Variants in CDH13 observed in about 807,000 individuals in gnomAD.
CDH13 encodes cadherin-13.
A neutral mutation model predicts 63.8 loss-of-function variants in CDH13; 24 were observed. The ratio of observed to expected loss-of-function variants is 0.38; its 90% CI spans 0.27 to 0.53. CDH13 has a LOEUF of 0.53. Ranked by LOEUF, CDH13 falls within the 20% of genes least tolerant of loss-of-function variation. CDH13 has a pLI of 0.85. For synonymous variants in CDH13, 503 were observed against 355.3 expected, an observed-to-expected ratio of 1.42 and a Z score of -4.67; for missense variants, 1,049 against 903.1, an observed-to-expected ratio of 1.16 and a Z score of -2.07.
chr16:83,361,016 G>A (rs557566282), intron 6 of CDH13, among the ~76,000 whole-genome samples: 3 of 152,228 alleles, frequency 2.0e-5, no homozygotes, highest in African/African-American at 7.2e-5. Context: ...TTGCCAAACT[G>A]CTTTCCACAG....
At chr16:83,250,618 A>G (rs1319419678) in intron 5 of CDH13, among the ~76,000 whole-genome samples, 1 of 152,174 alleles carries the variant, frequency 6.6e-6, no homozygotes, top group Non-Finnish European at 1.5e-5. Flanking sequence ...GCAACCTTGG[A>G]GTAATCAAGA....
intron 4 of CDH13, among the ~76,000 whole-genome samples, chr16:83,194,426 A>C (rs1212904124): frequency 1.3e-5 from 2 of 152,240 alleles, no homozygotes; most frequent in Non-Finnish European, 2.9e-5. Context: ...TGCCTCCATT[A>C]GAGAAAAAGG....
intron 1 of CDH13, among the ~76,000 whole-genome samples, chr16:82,821,038 A>T (rs1430738883): frequency 2.0e-5 from 3 of 152,138 alleles, no homozygotes; most frequent in Non-Finnish European, 2.9e-5. Context: ...AATGATCATT[A>T]TTGGAAAGCT....
At chr16:83,690,935 T>C (rs112276458) in intron 10 of CDH13, among the ~76,000 whole-genome samples, 13,044 of 152,094 alleles carry the variant, frequency 0.086, 1,022 homozygotes, top group African/African-American at 0.21. Flanking sequence ...TTGTCCAGGC[T>C]GGTCTGGAAC....
At chr16:83,685,910 G>A (rs540968559) in intron 10 of CDH13, among the ~76,000 whole-genome samples, 4 of 152,122 alleles carry the variant, frequency 2.6e-5, no homozygotes, top group African/African-American at 9.7e-5. Flanking sequence ...TGCAGACATG[G>A]GTTTTGAGAA....
At chr16:82,704,403 G>C (rs2031308056) in intron 1 of CDH13, among the ~76,000 whole-genome samples, 1 of 152,208 alleles carries the variant, frequency 6.6e-6, no homozygotes, top group Non-Finnish European at 1.5e-5. Context: ...AACATTTTTG[G>C]TGGATGTTCT....
chr16:82,933,111 T>C (rs1268013987), intron 2 of CDH13, among the ~76,000 whole-genome samples: 1 of 152,132 alleles, frequency 6.6e-6, no homozygotes, highest in East Asian at 1.9e-4. Context: ...GGAGTGATAT[T>C]GGCAGTTACA....
intron 8 of CDH13, among the ~76,000 whole-genome samples, chr16:83,666,440 AT>A (rs995970048): frequency 7.3e-5 from 11 of 151,034 alleles, no homozygotes; most frequent in East Asian, 1.9e-4. Context: ...ATATTTAAAG[AT>A]TTTTTTTTTC....
chr16:82,959,094 C>T (rs1312598258), intron 2 of CDH13, among the ~76,000 whole-genome samples: 1 of 152,206 alleles, frequency 6.6e-6, no homozygotes, highest in African/African-American at 2.4e-5. Context: ...CCTGACATTT[C>T]CCTTTTGGAT....
At chr16:83,215,604 G>A (rs1009821404) in intron 4 of CDH13, among the ~76,000 whole-genome samples, 4 of 151,064 alleles carry the variant, frequency 2.6e-5, no homozygotes, top group African/African-American at 9.8e-5. Context: ...TCAGACATCG[G>A]AATTGCAGGC....
At chr16:83,549,735 G>C (rs1462868593) in intron 7 of CDH13, among the ~76,000 whole-genome samples, 1 of 151,874 alleles carries the variant, frequency 6.6e-6, no homozygotes, top group Non-Finnish European at 1.5e-5. Context: ...TTTCCAATAA[G>C]AGAAAGGCAA....
chr16:83,192,483 C>T (rs1216065396), intron 4 of CDH13, among the ~76,000 whole-genome samples: 2 of 152,134 alleles, frequency 1.3e-5, no homozygotes, highest in Non-Finnish European at 2.9e-5. Context: ...GCATTTGGTG[C>T]TTTTTGTGAT....
chr16:82,747,608 C>G (rs1027842473), intron 1 of CDH13, among the ~76,000 whole-genome samples: 4 of 152,148 alleles, frequency 2.6e-5, no homozygotes, highest in Non-Finnish European at 5.9e-5. Flanking sequence ...TTTAACGAGA[C>G]CTTCAAGTAA....
At chr16:82,963,527 ACT>A (rs771496017) in intron 2 of CDH13, among the ~76,000 whole-genome samples, 1 of 152,008 alleles carries the variant, frequency 6.6e-6, no homozygotes, top group Non-Finnish European at 1.5e-5. Flanking sequence ...TTTTTAAGTG[ACT>A]CTGTTTCCTC....
chr16:82,765,464 A>T (rs958362296), intron 1 of CDH13, among the ~76,000 whole-genome samples: 2 of 152,158 alleles, frequency 1.3e-5, no homozygotes, highest in African/African-American at 2.4e-5. Context: ...CATAGACTGC[A>T]TTGTTTCCAA....
intron 3 of CDH13, among the ~76,000 whole-genome samples, chr16:83,082,215 C>T (rs377212419): frequency 6.6e-6 from 1 of 152,164 alleles, no homozygotes; most frequent in Non-Finnish European, 1.5e-5. Flanking sequence ...TCCACTCTGC[C>T]CTCTCCCCAC....
chr16:83,133,304 C>G (rs188994855), intron 4 of CDH13, among the ~76,000 whole-genome samples: 1 of 152,074 alleles, frequency 6.6e-6, no homozygotes, highest in Non-Finnish European at 1.5e-5. Flanking sequence ...GCTTATCACA[C>G]GAACACAAAA....
intron 1 of CDH13, among the ~76,000 whole-genome samples, chr16:82,632,893 G>A (rs113490131): frequency 6.6e-6 from 1 of 151,960 alleles, no homozygotes; most frequent in Non-Finnish European, 1.5e-5. Context: ...GACACTGACA[G>A]ATCATCAGGC....
chr16:83,712,208 A>G (rs1908169612), intron 10 of CDH13, among the ~76,000 whole-genome samples: 1 of 152,222 alleles, frequency 6.6e-6, no homozygotes, highest in Non-Finnish European at 1.5e-5. Context: ...AATTCAGACC[A>G]GAACAGGCAC....
Sources: allele counts gnomAD v4.1 joint callset (sites outside exome capture counted in the v4.1 genomes callset), GRCh38; gene constraint gnomAD v4.1.1; transcripts MANE v1.5; gene names NCBI Gene and HGNC (gene_info 2026-07-23, HGNC 2026-07-21).